RGPD1: variants seen among roughly 807,000 people sequenced by gnomAD.
The protein encoded by RGPD1 is RANBP2-like and GRIP domain-containing protein 1.
RGPD1 carries 7 observed loss-of-function variants against 40.6 expected under a neutral mutation model. The observed-to-expected ratio is 0.17, with a 90% CI of 0.10 to 0.32. The LOEUF is 0.32. Ranked by LOEUF, RGPD1 falls within the 10% of genes least tolerant of loss-of-function variation. RGPD1 has a pLI of 1.00. For missense variants in RGPD1, 50 were observed against 472.5 expected (o/e 0.11, Z 8.29); for synonymous variants, 24 against 167.0 (o/e 0.14, Z 6.60).
chr2:86,945,450 TCC>T (rs536177927), intron 1 of RGPD1, among the ~76,000 whole-genome samples: 11 of 152,226 alleles, frequency 7.2e-5, no homozygotes, highest in African/African-American at 2.2e-4. Context: ...GTTAATATTC[TCC>T]CCCAGTTTGG....
Position 86,933,526 on chromosome 2 carries a change from ACT to A in RGPD1, c.73-17764_73-17763del, listed in dbSNP as rs1234407421. 6.6e-5 allele frequency among the ~76,000 whole-genome samples: 9 copies of A among 135,352 alleles called. 1 individual carries two copies. Among genetic ancestry groups the A allele is most frequent in the African/African-American group, 1.1e-4 (4 of 36,838 alleles). The allele number at this position is 135,352 out of a possible 152,430, so 88.8% of individuals were successfully genotyped here. ...TTAATATTCTTAAATTCATTAGCTAACTCTCTCAATATTATTACACTATTATT... is the reference window on the plus strand; with the variant it reads ...TTAATATTCTTAAATTCATTAGCTAACTCTCAATATTATTACACTATTATT... On this transcript the variant is annotated intron_variant, in intron 1 of 22. Transcript: ENST00000398193.
chr2:86,930,563 A>G (rs1205077025), intron 1 of RGPD1: 2 of 1,606,178 alleles, frequency 1.2e-6, no homozygotes, highest in Admixed American at 3.3e-5. Flanking sequence ...GGATGAGGAC[A>G]GTCCAGAGCA....
intron 2 of RGPD1, among the ~76,000 whole-genome samples, chr2:86,951,873 GTT>G (rs71269535): frequency 3.3e-4 from 17 of 50,960 alleles, no homozygotes; most frequent in African/African-American, 1.6e-3. Flanking sequence ...GGGAGGCAGG[GTT>G]TTTTTTTTTT....
chr2:86,942,281 G>A lies in RGPD1; in HGVS notation c.45G>A (p.Val15=). The A allele has an allele frequency of 7.5e-6, 12 of 1,605,290 alleles. No homozygotes were observed. Among genetic ancestry groups the A allele is most frequent in the South Asian group, 1.1e-5 (1 of 89,598 alleles). ...KAYGERYVAS[V]QGSAPSPGKK... ...ACGGGGAGCGGTACGTCGCCTCGGTGCAGGGCTCCGCCCCGTCGCCTGGAA... is the reference window on the plus strand; with the variant it reads ...ACGGGGAGCGGTACGTCGCCTCGGTACAGGGCTCCGCCCCGTCGCCTGGAA... The change falls in exon 1 of 23, where the codon GTG becomes GTA. Residue 15 remains valine, a synonymous_variant. Transcript: ENST00000641458.
chr2:86,941,990 G>C (rs1465122959), upstream of RGPD1, among the ~76,000 whole-genome samples: 1 of 151,936 alleles, frequency 6.6e-6, no homozygotes, highest in East Asian at 1.9e-4. Context: ...GGGATTACAG[G>C]CGTGAGCCAC....
At chr2:87,000,245 A>G (rs1681929052) in intron 22 of RGPD1, among the ~76,000 whole-genome samples, 1 of 137,084 alleles carries the variant, frequency 7.3e-6, no homozygotes, top group African/African-American at 3.4e-5. Flanking sequence ...TGCATTTTAA[A>G]ATTAAAGTTT....
At chr2:86,940,601 CTT>C (rs1458215790), upstream of RGPD1, among the ~76,000 whole-genome samples, 3 of 144,720 alleles carry the variant, frequency 2.1e-5, no homozygotes, top group East Asian at 6.2e-4. Flanking sequence ...GCCTGGCCCT[CTT>C]TTCATTTTAG....
chr2:86,960,677 T>C lies in RGPD1; in HGVS notation c.779+2250T>C, dbSNP rs1429209436. Among the ~76,000 whole-genome samples the C allele has an allele frequency of 6.2e-5, 7 of 112,636 alleles. 1 individual carries two copies. Among genetic ancestry groups the C allele is most frequent in the African/African-American group, 1.6e-4 (3 of 19,138 alleles). 73.9% of individuals were successfully genotyped at this position (112,636 alleles called of 152,430 possible). On this transcript the variant is annotated intron_variant, in intron 6 of 22. Coordinates refer to ENST00000641458, the MANE Select transcript of RGPD1 (RefSeq NM_001382344.1). ...CCATCTCGGCTCACTGCAAGCTCTGTCTCCAGGGTTCATGCCATTCTCCTG... is the reference window on the plus strand; with the variant it reads ...CCATCTCGGCTCACTGCAAGCTCTGCCTCCAGGGTTCATGCCATTCTCCTG...
chr2:86,915,479 A>G (rs1677754939), intron 1 of RGPD1, among the ~76,000 whole-genome samples: 1 of 120,432 alleles, frequency 8.3e-6, no homozygotes, highest in Non-Finnish European at 1.7e-5. Flanking sequence ...ATAAAAACAA[A>G]TAATAATGGA....
At chr2:86,918,613 C>T (rs1444113816) in intron 1 of RGPD1, among the ~76,000 whole-genome samples, 3 of 148,518 alleles carry the variant, frequency 2.0e-5, no homozygotes, top group African/African-American at 7.6e-5. Context: ...GCGCCCGCCA[C>T]CACGCCCGGC....
intron 22 of RGPD1, among the ~76,000 whole-genome samples, chr2:86,998,755 C>T (rs1346629390): frequency 1.2e-3 from 5 of 4,046 alleles, no homozygotes. Flanking sequence ...ACAAGGAAGA[C>T]GCTATAATCT....
rs771055052 is a variant in RGPD1, at chr2:87,011,709, T to TAAAACAAAAC, written c.5237-793_5237-784dup. The stretch of plus-strand genomic sequence containing the variant: ...CAGATGAGAAGACTGAGTGGCAACG[T>TAAAACAAAAC]AAAACAAAACAAAACAAAACTTGCC... On this transcript the variant is annotated intron_variant, in intron 22 of 22. Transcript: ENST00000641458. 1.0e-4 allele frequency among the ~76,000 whole-genome samples: 11 copies of TAAAACAAAAC among 106,888 alleles called. 3 individuals carry two copies. Among genetic ancestry groups the TAAAACAAAAC allele is most frequent in the Non-Finnish European group, 1.8e-4 (9 of 49,332 alleles). 70.1% of individuals were successfully genotyped at this position (106,888 alleles called of 152,430 possible).
chr2:86,915,194 T>C (rs1379652270), intron 1 of RGPD1, among the ~76,000 whole-genome samples: 1 of 149,582 alleles, frequency 6.7e-6, no homozygotes, highest in African/African-American at 2.5e-5. Context: ...TACTTGGGAG[T>C]CTGAGGCAGG....
At chr2:86,913,683 C>T (rs1209449259), upstream of RGPD1, 23 of 1,309,898 alleles carry the variant, frequency 1.8e-5, no homozygotes, top group Middle Eastern at 3.0e-4. Flanking sequence ...GCAGCTGGAG[C>T]GCCGACGTCG....
intron 22 of RGPD1, among the ~76,000 whole-genome samples, chr2:87,007,467 TC>T (rs1682097519): frequency 6.6e-6 from 1 of 152,286 alleles, no homozygotes; most frequent in Non-Finnish European, 1.5e-5. Flanking sequence ...AACCTCCACT[TC>T]CGAGGTTCAA....
At chr2:86,923,348 G>A (rs71243177) in intron 1 of RGPD1, among the ~76,000 whole-genome samples, 16 of 151,312 alleles carry the variant, frequency 1.1e-4, no homozygotes, top group African/African-American at 2.4e-4. Flanking sequence ...CCTCCATGGT[G>A]TTATTCTTAA....
intron 1 of RGPD1, among the ~76,000 whole-genome samples, chr2:86,942,556 T>TCGACCTGGCCGGGCGGCGGCGGCGGCCA: frequency 8.9e-6 from 1 of 111,866 alleles, no homozygotes; most frequent in Non-Finnish European, 1.9e-5. Context: ...GGCGGCGGCC[T>TCGACCTGGCCGGGCGGCGGCGGCGGCCA]CGACGTGGCC....
chr2:86,914,847 GGGCGGCGGC>G (rs1168311298), intron 1 of RGPD1, among the ~76,000 whole-genome samples: 137 of 3,042 alleles, frequency 0.045, 29 homozygotes, highest in Admixed American at 0.074. Context: ...CGACCTGGCC[GGGCGGCGGC>G]GGCGGCGGCG....
chr2:86,928,627 G>A (rs1474004081), intron 1 of RGPD1, among the ~76,000 whole-genome samples: 5 of 152,234 alleles, frequency 3.3e-5, no homozygotes, highest in Non-Finnish European at 4.4e-5. Context: ...ATAGGATTTA[G>A]TGGTGGCTGG....
Sources: gnomAD v4.1 joint callset for allele counts (sites outside exome capture counted in the v4.1 genomes callset) on GRCh38, gnomAD v4.1.1 for gene constraint, MANE v1.5 for transcripts, NCBI Gene and HGNC (gene_info 2026-07-23, HGNC 2026-07-21) for gene names.